The following DSG2 variants were observed in gnomAD, a reference collection of about 807,000 sequenced individuals.
DSG2 encodes the protein desmoglein 2.
Under a neutral mutation model 75.6 loss-of-function variants are expected in DSG2, and 45 were observed. The ratio of observed to expected loss-of-function variants is 0.60; its 90% confidence interval spans 0.47 to 0.76. DSG2 has a LOEUF of 0.76. Among genes scored for constraint, DSG2 ranks in the 30% least tolerant of loss-of-function variants. DSG2 has a pLI of 0.00. For missense variants in DSG2, 1,267 were observed against 1,357.4 expected (o/e 0.93, Z 1.05); for synonymous variants, 429 against 483.9 (o/e 0.89, Z 1.49).
intron 1 of DSG2, among the ~76,000 whole-genome samples, chr18:31,505,477 G>A (rs1014368583): frequency 6.6e-6 from 1 of 152,090 alleles, no homozygotes; most frequent in Non-Finnish European, 1.5e-5. Flanking sequence ...CTTCTTCAGA[G>A]CAAGATCTTT....
intron 1 of DSG2, among the ~76,000 whole-genome samples, chr18:31,505,497 A>G (rs2073034260): frequency 1.3e-5 from 2 of 152,168 alleles, no homozygotes; most frequent in South Asian, 4.1e-4. Flanking sequence ...TGTATCTTTT[A>G]TCTATAAACT....
At chr18:31,509,974 G>A (rs1164645562) in intron 1 of DSG2, among the ~76,000 whole-genome samples, 1 of 152,194 alleles carries the variant, frequency 6.6e-6, no homozygotes, top group Admixed American at 6.5e-5. Flanking sequence ...AGAATGGATT[G>A]GGGATAAACC....
intron 12 of DSG2, among the ~76,000 whole-genome samples, chr18:31,539,532 G>A (rs1042079992): frequency 3.9e-5 from 6 of 152,190 alleles, no homozygotes; most frequent in Non-Finnish European, 7.3e-5. Flanking sequence ...CTGACCGTAA[G>A]ATGTTCTCAA....
Position 31,546,354 on chromosome 18 carries a change from A to G in DSG2, c.2968A>G (p.Arg990Gly). ...ANEGTVVVTE[R>G]VIQPHGGGSN... ...TGAAGGTACAGTTGTGGTCACTGAA[A>G]GAGTAATACAGCCTCATGGGGGTGG... Residue 990 changes from arginine to glycine, a missense_variant, in exon 15 of 15, where the codon AGA becomes GGA. By Grantham distance (125) the Arg-to-Gly change is moderately radical. Transcript: ENST00000261590. 6.2e-7 allele frequency: 1 copy of G among 1,613,352 alleles called. No homozygotes were observed. The highest frequency in any genetic ancestry group is 8.5e-7 in the Non-Finnish European group (1 of 1,179,430).
intron 8 of DSG2, among the ~76,000 whole-genome samples, chr18:31,528,998 A>G (rs2073178772): frequency 6.6e-6 from 1 of 152,170 alleles, no homozygotes; most frequent in African/African-American, 2.4e-5. Context: ...ATTTTATTGT[A>G]TATAAGTTAT....
At position 31,522,120 on chromosome 18, in the gene DSG2, T is replaced by C. The variant is rs573318445; in HGVS notation, c.561T>C (p.Asp187=). 3 of 1,613,464 alleles carry C rather than the reference T, an allele frequency of 1.9e-6. No individual in the cohort carries two copies. The highest frequency in any genetic ancestry group is 3.3e-5 in the Admixed American group (2 of 60,030). ...TGAAAATCAATGCAACAGATGCAGA[T>C]GAGCCCAATACCCTGAATTCGAAAA... ...LVMKINATDA[D]EPNTLNSKIS... is the part of the protein sequence containing the mutation. Residue 187 remains aspartate (D), a synonymous_variant, in exon 6 of 15, where the codon GAT becomes GAC. Coordinates refer to ENST00000261590, the MANE Select transcript of DSG2 (RefSeq NM_001943.5).
At chr18:31,523,331 A>G (rs7506013) in intron 6 of DSG2, among the ~76,000 whole-genome samples, 34,555 of 151,976 alleles carry the variant, frequency 0.23, 4,285 homozygotes, top group East Asian at 0.29. Context: ...AACCCAGGGG[A>G]CAGAGCTTGC....
In DSG2 at chr18:31,547,262, G is replaced by C. The variant is rs1289086219; in HGVS notation, c.*519G>C. 1 of 220,530 alleles carries C rather than the reference G, an allele frequency of 4.5e-6. No homozygotes were observed. The highest frequency in any genetic ancestry group is 9.0e-6 in the Non-Finnish European group (1 of 110,586). The allele number at this position is 220,530 out of a possible 1,614,324, so 13.7% of individuals were successfully genotyped here. Reference sequence around the variant, plus strand: ...GGTGCTCATAACTTCTTTAAGACTTGAACCCTTTCAATCTGTGTGATTCAT... The same window carrying C: ...GGTGCTCATAACTTCTTTAAGACTTCAACCCTTTCAATCTGTGTGATTCAT... On this transcript the variant is annotated 3_prime_UTR_variant, in exon 15 of 15. Coordinates refer to ENST00000261590, the MANE Select transcript of DSG2 (RefSeq NM_001943.5).
At chr18:31,532,026 T>C (rs997164099) in intron 9 of DSG2, among the ~76,000 whole-genome samples, 1 of 152,232 alleles carries the variant, frequency 6.6e-6, no homozygotes. Context: ...GACACAACTT[T>C]AGTGACTTCT....
Position 31,542,733 on chromosome 18 carries a change from A to G in DSG2, c.2215A>G (p.Ile739Val), listed in dbSNP as rs772240008. The G allele has an allele frequency of 7.0e-5, 113 of 1,614,068 alleles. No individual in the cohort carries two copies. Among genetic ancestry groups the G allele is most frequent in the Non-Finnish European group, 9.5e-5 (112 of 1,180,022 alleles). The part of the protein sequence containing the change: ...ATQFTGATGA[I>V]MTTETTKTAR... ...CCAGTTTACAGGGGCCACAGGCGCT[A>G]TCATGACCACTGAAACCACGAAGAC... Residue 739 changes from isoleucine (I) to valine (V), a missense_variant, in exon 14 of 15, where the codon ATC (isoleucine) becomes GTC (valine). By Grantham distance (29) the Ile-to-Val change is conservative. Coordinates refer to ENST00000261590, the MANE Select transcript of DSG2 (RefSeq NM_001943.5).
chr18:31,507,689 CT>C (rs2073046001), intron 1 of DSG2, among the ~76,000 whole-genome samples: 1 of 152,138 alleles, frequency 6.6e-6, no homozygotes, highest in Non-Finnish European at 1.5e-5. Flanking sequence ...TGATGATGAG[CT>C]TTTTTTCATG....
Position 31,546,905 on chromosome 18 carries a change from T to C in DSG2, c.*162T>C. ...CTGATATGCAAAGGACCACACTGTC[T>C]CTGCTTCCAGGAGTATTTTAGAAAT... On this transcript the variant is annotated 3_prime_UTR_variant, in exon 15 of 15. Transcript: ENST00000261590. 1.3e-6 allele frequency: 1 copy of C among 756,138 alleles called. No individual in the cohort carries two copies. The highest frequency in any genetic ancestry group is 1.5e-5 in the South Asian group (1 of 66,404). 46.8% of individuals were successfully genotyped at this position (756,138 alleles called of 1,614,324 possible).
At position 31,540,845 on chromosome 18, in the gene DSG2, T is replaced by G. The variant is rs565917415; in HGVS notation, c.1880-348T>G. 3.9e-5 allele frequency among the ~76,000 whole-genome samples: 6 copies of G among 152,356 alleles called. No individual in the cohort carries two copies. The East Asian group carries it at 1.2e-3, about 29-fold the overall frequency. On this transcript the variant is annotated intron_variant, in intron 12 of 14. Transcript: ENST00000261590. ...CATATATTTTTGCAACAGTGATTTT[T>G]TTTTAATTGGACCATAGTTTTAAAA...
In DSG2 at chr18:31,542,811, G is replaced by A; in HGVS notation, c.2293G>A (p.Val765Ile). Residue 765 changes from valine (V) to isoleucine (I), a missense_variant, in exon 14 of 15, where the codon GTT becomes ATT. Physicochemically the swap from Val to Ile is conservative, Grantham distance 29 (BLOSUM62 3). Coordinates refer to ENST00000261590, the MANE Select transcript of DSG2 (RefSeq NM_001943.5). ...CATGGCCGGAGCTCAGGCAGCTGCT[G>A]TTGCACTGAACGAAGAATTCTTAAG... Reference protein sequence around the residue: ...RDMAGAQAAAVALNEEFLRNY... With the variant: ...RDMAGAQAAAIALNEEFLRNY... The A allele has an allele frequency of 1.9e-6, 3 of 1,560,132 alleles. No individual in the cohort carries two copies. Among genetic ancestry groups the A allele is most frequent in the Admixed American group, 1.9e-5 (1 of 52,978 alleles).
At position 31,548,107 on chromosome 18, in the gene DSG2, G is replaced by T. The variant is rs2073327727; in HGVS notation, c.*1364G>T. The T allele has an allele frequency of 6.6e-6, 1 of 152,118 alleles. No homozygotes were observed. Among genetic ancestry groups the T allele is most frequent in the Admixed American group, 6.6e-5 (1 of 15,262 alleles). 9.4% of individuals were successfully genotyped at this position (152,118 alleles called of 1,614,324 possible). ...GATTTCTCAGTTATTGACTGGCTGG[G>T]TGTGACTTAGTACATAAGTACTCAA... On this transcript the variant is annotated 3_prime_UTR_variant, in exon 15 of 15. Coordinates refer to ENST00000261590, the MANE Select transcript of DSG2 (RefSeq NM_001943.5).
chr18:31,524,518 A>G lies in DSG2; in HGVS notation c.761A>G (p.Lys254Arg). ...GNGEVTDKPV[K>R]QAQVQIRILD... ...GGAGAAGTTACAGACAAACCTGTAA[A>G]ACAAGCTCAAGTTCAGATTCGTATT... The change falls in exon 7 of 15, where the codon AAA (lysine) becomes AGA (arginine). Residue 254 changes from lysine (K) to arginine (R), a missense_variant. Coordinates refer to ENST00000261590, the MANE Select transcript of DSG2 (RefSeq NM_001943.5). 1 of 1,614,168 alleles carries G rather than the reference A, an allele frequency of 6.2e-7. No homozygotes were observed. Among genetic ancestry groups the G allele is most frequent in the Non-Finnish European group, 8.5e-7 (1 of 1,180,008 alleles).
chr18:31,511,731 G>C (rs898066817), intron 1 of DSG2, among the ~76,000 whole-genome samples: 31 of 152,132 alleles, frequency 2.0e-4, no homozygotes, highest in African/African-American at 7.0e-4. Context: ...CAATTCTTCT[G>C]ATGTTTTAGT....
rs572469784 is a variant in DSG2 at position 31,502,846 on chromosome 18, T to C, written c.45+4550T>C. On this transcript the variant is annotated intron_variant, in intron 1 of 14. Coordinates refer to ENST00000261590, the MANE Select transcript of DSG2 (RefSeq NM_001943.5). ...TTTAACTGAAAGCATAAAGGACTTT[T>C]AGATCTATTTGAGCAATTTTTAATC... 3.9e-5 allele frequency among the ~76,000 whole-genome samples: 6 copies of C among 152,324 alleles called. No homozygotes were observed. In the South Asian group the frequency reaches 1.2e-3, roughly 32 times the overall value.
chr18:31,502,808 G>A (rs1322192436), intron 1 of DSG2, among the ~76,000 whole-genome samples: 1 of 151,994 alleles, frequency 6.6e-6, no homozygotes, highest in Non-Finnish European at 1.5e-5. Flanking sequence ...AAGGAAGAAA[G>A]GAAGGAAGGA....
Sources: allele counts gnomAD v4.1 joint callset (sites outside exome capture counted in the v4.1 genomes callset), GRCh38; gene constraint gnomAD v4.1.1; transcripts MANE v1.5; gene names NCBI Gene and HGNC (gene_info 2026-07-23, HGNC 2026-07-21).